Variants in PDE10A observed in about 807,000 individuals in gnomAD.
The protein encoded by PDE10A is cAMP and cAMP-inhibited cGMP 3',5'-cyclic phosphodiesterase 10A.
Under a neutral mutation model 97.7 loss-of-function variants are expected in PDE10A, and 39 were observed. The ratio of observed to expected loss-of-function variants is 0.40; its 90% CI spans 0.31 to 0.52. The LOEUF (loss-of-function observed/expected upper bound fraction) is 0.52, where lower values mean the gene tolerates loss of function less well. Among genes scored for constraint, PDE10A ranks in the 20% least tolerant of loss-of-function variants. PDE10A has a pLI of 0.56. For synonymous variants in PDE10A, 371 were observed against 376.8 expected (o/e 0.98, Z 0.18); for missense variants, 731 against 1,047.8 (o/e 0.70, Z 4.17).
At chr6:165,533,019 C>G (rs1350468623) in intron 2 of PDE10A, among the ~76,000 whole-genome samples, 3 of 152,190 alleles carry the variant, frequency 2.0e-5, no homozygotes, top group Non-Finnish European at 2.9e-5. Flanking sequence ...CTCAGTATCT[C>G]AGCCCAGTCA....
intron 1 of PDE10A, among the ~76,000 whole-genome samples, chr6:165,867,250 A>G (rs918945543): frequency 2.3e-4 from 35 of 150,580 alleles, no homozygotes; most frequent in African/African-American, 7.3e-4. Flanking sequence ...AAAAACCATG[A>G]GACCCAAGTA....
chr6:165,438,711 G>C (rs1160077724), intron 5 of PDE10A, among the ~76,000 whole-genome samples: 1 of 152,012 alleles, frequency 6.6e-6, no homozygotes, highest in African/African-American at 2.4e-5. Flanking sequence ...TAATCCCAGG[G>C]CTTTTGGAGG....
intron 10 of PDE10A, among the ~76,000 whole-genome samples, chr6:165,420,445 A>C (rs1480439652): frequency 6.6e-6 from 1 of 152,228 alleles, no homozygotes; most frequent in Non-Finnish European, 1.5e-5. Context: ...ATAAAGGCAC[A>C]GCGAGAGTGA....
chr6:165,680,632 G>A (rs1019849488), intron 1 of PDE10A, among the ~76,000 whole-genome samples: 2 of 152,138 alleles, frequency 1.3e-5, no homozygotes, highest in Admixed American at 1.3e-4. Context: ...AGCCAGGAGC[G>A]GGGGCTCAGG....
intron 19 of PDE10A, among the ~76,000 whole-genome samples, chr6:165,340,196 T>A (rs1405182462): frequency 6.6e-6 from 1 of 152,232 alleles, no homozygotes; most frequent in African/African-American, 2.4e-5. Context: ...TTTTAGAAAT[T>A]ATCTTGCTTT....
chr6:165,703,385 A>G (rs560420880), intron 1 of PDE10A, among the ~76,000 whole-genome samples: 10 of 152,318 alleles, frequency 6.6e-5, no homozygotes, highest in African/African-American at 2.4e-4. Context: ...GAGTTGTAAA[A>G]GGGTTTTGTA....
At chr6:165,971,989 A>G (rs960197273) in intron 1 of PDE10A, among the ~76,000 whole-genome samples, 1 of 152,194 alleles carries the variant, frequency 6.6e-6, no homozygotes, top group Non-Finnish European at 1.5e-5. Flanking sequence ...TACCTGACAC[A>G]GTAGCAATCA....
At position 165,819,420 on chromosome 6, in the gene PDE10A, C is replaced by G. The variant is rs776192245; in HGVS notation, c.-615+168109G>C. ...GCCGACCCCACCTCCTGCACTGTTCCATTTCATGCAATCCGTCCTCCAGAC... is the reference window on the plus strand; with the variant it reads ...GCCGACCCCACCTCCTGCACTGTTCGATTTCATGCAATCCGTCCTCCAGAC... On this transcript the variant is annotated intron_variant, in intron 1 of 19. Coordinates refer to the PDE10A transcript ENST00000366882. The surrounding 1 kb of genome is among the most constrained non-coding windows in gnomAD (Gnocchi z 4.2). Among the ~76,000 whole-genome samples the G allele has an allele frequency of 1.3e-5, 2 of 152,214 alleles. No homozygotes were observed. Among genetic ancestry groups the G allele is most frequent in the African/African-American group, 4.8e-5 (2 of 41,452 alleles).
chr6:165,518,560 C>T (rs1219840161), intron 2 of PDE10A, among the ~76,000 whole-genome samples: 2 of 152,098 alleles, frequency 1.3e-5, no homozygotes, highest in African/African-American at 4.8e-5. Context: ...TCAAGTCGCC[C>T]TCACTTTACT....
At chr6:165,768,047 T>C (rs1284942612) in intron 1 of PDE10A, among the ~76,000 whole-genome samples, 6 of 152,208 alleles carry the variant, frequency 3.9e-5, no homozygotes, top group Non-Finnish European at 8.8e-5. Flanking sequence ...ATGTTGAGCA[T>C]TTTTTCATGT....
At chr6:165,338,127 T>C (rs1161495556) in intron 20 of PDE10A, among the ~76,000 whole-genome samples, 2 of 152,284 alleles carry the variant, frequency 1.3e-5, no homozygotes, top group East Asian at 1.9e-4. Context: ...GATCCATTTC[T>C]AATCAAGAGG....
In PDE10A at chr6:165,786,716, A is replaced by C. The variant is rs577020689; in HGVS notation, c.-615+200813T>G. 3.1e-4 allele frequency among the ~76,000 whole-genome samples: 47 copies of C among 152,326 alleles called. No homozygotes were observed. In the South Asian group the frequency reaches 3.7e-3, roughly 12 times the overall value. ...ATCAGAGTTCTTGTTATCAGAAAAA[A>C]AGAGATGGAGGAACTTCTCTATTCC... On this transcript the variant is annotated intron_variant, in intron 1 of 19. Coordinates refer to the PDE10A transcript ENST00000366882.
Position 165,920,480 on chromosome 6 carries a change from T to C in PDE10A, c.-615+67049A>G, listed in dbSNP as rs189040880. ...TTATCTTTAAGAATGAGACCATTGG[T>C]CTTATACTGTGGCATAAATACTTTG... On this transcript the variant is annotated intron_variant, in intron 1 of 19. Transcript: ENST00000366882. Among the ~76,000 whole-genome samples the C allele has an allele frequency of 2.2e-3, 338 of 152,202 alleles. 2 individuals carry two copies. The highest frequency in any genetic ancestry group is 7.6e-3 in the African/African-American group (317 of 41,532).
chr6:165,873,567 GC>G (rs1256771760), intron 1 of PDE10A, among the ~76,000 whole-genome samples: 1 of 134,346 alleles, frequency 7.4e-6, no homozygotes, highest in Admixed American at 7.3e-5. Flanking sequence ...TAAAAACTGA[GC>G]TTTGTATTAC....
At chr6:165,462,743 T>C (rs1232342340) in intron 3 of PDE10A, among the ~76,000 whole-genome samples, 1 of 152,200 alleles carries the variant, frequency 6.6e-6, no homozygotes, top group Non-Finnish European at 1.5e-5. Context: ...ATGAGTAATT[T>C]AATGGTAGCT....
intron 1 of PDE10A, among the ~76,000 whole-genome samples, chr6:165,686,445 G>A (rs1440886296): frequency 1.3e-5 from 2 of 152,204 alleles, no homozygotes; most frequent in Non-Finnish European, 2.9e-5. Context: ...GCCTTCAGGT[G>A]TAACATCCTG....
At chr6:165,368,294 C>T (rs1010483535) in intron 18 of PDE10A, among the ~76,000 whole-genome samples, 3 of 152,154 alleles carry the variant, frequency 2.0e-5, no homozygotes, top group African/African-American at 7.2e-5. Context: ...CCACACCCAG[C>T]CCATATTTCT....
chr6:165,441,143 C>T (rs541545047), intron 5 of PDE10A, among the ~76,000 whole-genome samples: 19 of 152,328 alleles, frequency 1.2e-4, no homozygotes, highest in African/African-American at 4.6e-4. Context: ...CAAGAGACAT[C>T]CTTTACTTTC....
intron 1 of PDE10A, among the ~76,000 whole-genome samples, chr6:165,919,845 G>A (rs1782707838): frequency 6.6e-6 from 1 of 152,096 alleles, no homozygotes; most frequent in Non-Finnish European, 1.5e-5. Context: ...AAAGCTCAGT[G>A]GAAGTCAGAC....
Sources: allele counts gnomAD v4.1 joint callset (sites outside exome capture counted in the v4.1 genomes callset), GRCh38; gene constraint gnomAD v4.1.1; non-coding constraint Gnocchi (gnomAD v3.1); transcripts MANE v1.5; gene names NCBI Gene and HGNC (gene_info 2026-07-23, HGNC 2026-07-21).